Variants in SGCZ observed in about 807,000 individuals in gnomAD.
The protein encoded by SGCZ is sarcoglycan zeta.
In SGCZ, 40 loss-of-function variants were observed where a neutral mutation model predicts 41.3. The observed-to-expected ratio is 0.97, with a 90% confidence interval of 0.75 to 1.26. The LOEUF (loss-of-function observed/expected upper bound fraction) is 1.26, where lower values mean the gene tolerates loss of function less well. SGCZ is among the 50% of genes most tolerant of loss of function. SGCZ has a pLI of 0.00. For synonymous variants in SGCZ, 206 were observed against 137.5 expected (o/e 1.50, Z -3.49); for missense variants, 552 against 369.8 (o/e 1.49, Z -4.04).
At chr8:14,203,819 G>GAAA (rs1430883170) in intron 4 of SGCZ, among the ~76,000 whole-genome samples, 1 of 152,100 alleles carries the variant, frequency 6.6e-6, no homozygotes, top group African/African-American at 2.4e-5. Context: ...GTAGGGGCAT[G>GAAA]TAAATCAGAC....
chr8:14,340,169 TATA>T (rs959784364), intron 2 of SGCZ, among the ~76,000 whole-genome samples: 2 of 152,140 alleles, frequency 1.3e-5, no homozygotes, highest in Admixed American at 6.6e-5. Flanking sequence ...CAGTCTATGA[TATA>T]ATATCATTTT....
intron 5 of SGCZ, among the ~76,000 whole-genome samples, chr8:14,140,069 A>C (rs1379844389): frequency 6.6e-6 from 1 of 152,104 alleles, no homozygotes; most frequent in East Asian, 1.9e-4. Context: ...CAAAGATCAA[A>C]ACCACATGAT....
chr8:14,687,466 A>G (rs1480834193), intron 1 of SGCZ, among the ~76,000 whole-genome samples: 1 of 151,294 alleles, frequency 6.6e-6, no homozygotes, highest in Non-Finnish European at 1.5e-5. Context: ...GTCCTTGCGA[A>G]AGTTTACTGA....
At chr8:15,008,541 A>AAGGAAGGG (rs1156576852) in intron 1 of SGCZ, among the ~76,000 whole-genome samples, 60 of 59,768 alleles carry the variant, frequency 1.0e-3, no homozygotes, top group Non-Finnish European at 1.5e-3. Context: ...GGAAGGAAGG[A>AAGGAAGGG]AGGGAGGGAG....
intron 1 of SGCZ, among the ~76,000 whole-genome samples, chr8:15,157,962 C>T (rs1291599046): frequency 6.6e-6 from 1 of 152,196 alleles, no homozygotes; most frequent in Non-Finnish European, 1.5e-5. Flanking sequence ...GCCGCTCTTG[C>T]CCAGTGACTG....
chr8:14,489,045 C>A (rs1180677291), intron 2 of SGCZ, among the ~76,000 whole-genome samples: 1 of 150,142 alleles, frequency 6.7e-6, no homozygotes, highest in Non-Finnish European at 1.5e-5. Flanking sequence ...ACCAGTGGAA[C>A]TGAACATAAA....
In SGCZ at chr8:14,759,942, T is replaced by C. The variant is rs372551642; in HGVS notation, c.40-205016A>G. Among the ~76,000 whole-genome samples the C allele has an allele frequency of 5.6e-4, 85 of 152,310 alleles. 3 individuals are homozygous for C. The highest frequency in any genetic ancestry group is 1.9e-3 in the African/African-American group (80 of 41,578). On this transcript the variant is annotated intron_variant, in intron 1 of 7. Transcript: ENST00000382080. ...TTGGCTCTGGGACAAATTTCTTTTT[T>C]ATTTAAAAACTTGAAATTGTAAAGA...
intron 1 of SGCZ, among the ~76,000 whole-genome samples, chr8:15,214,643 G>T (rs1320667546): frequency 6.6e-6 from 1 of 152,206 alleles, no homozygotes; most frequent in Admixed American, 6.5e-5. Flanking sequence ...GCAGTTCCCT[G>T]AATCGTGGGG....
At chr8:14,454,080 G>A (rs1321542694) in intron 2 of SGCZ, among the ~76,000 whole-genome samples, 6 of 152,090 alleles carry the variant, frequency 3.9e-5, no homozygotes, top group South Asian at 2.1e-4. Flanking sequence ...CTACGATGAC[G>A]TCCGCAGCAA....
chr8:14,175,618 A>G (rs2117009824), intron 4 of SGCZ, among the ~76,000 whole-genome samples: 1 of 152,252 alleles, frequency 6.6e-6, no homozygotes, highest in Non-Finnish European at 1.5e-5. Flanking sequence ...AATCTAAATT[A>G]GTATGTTTAA....
chr8:14,243,461 T>C (rs1031821614), intron 3 of SGCZ, among the ~76,000 whole-genome samples: 7 of 152,186 alleles, frequency 4.6e-5, no homozygotes, highest in African/African-American at 1.2e-4. Flanking sequence ...TAAAAATACT[T>C]TTAAAACATA....
intron 1 of SGCZ, among the ~76,000 whole-genome samples, chr8:14,729,215 T>C (rs1315328981): frequency 6.6e-6 from 1 of 152,168 alleles, no homozygotes; most frequent in African/African-American, 2.4e-5. Context: ...ATTTCCCCAA[T>C]GCATGAAGTA....
chr8:14,126,388 A>C (rs1802860526), intron 5 of SGCZ, among the ~76,000 whole-genome samples: 1 of 152,212 alleles, frequency 6.6e-6, no homozygotes, highest in Non-Finnish European at 1.5e-5. Context: ...AAAACTCAAC[A>C]TCACTGATTA....
intron 1 of SGCZ, among the ~76,000 whole-genome samples, chr8:15,074,518 T>A (rs1805462555): frequency 6.6e-6 from 1 of 152,154 alleles, no homozygotes; most frequent in Admixed American, 6.6e-5. Context: ...ATTCATAAAT[T>A]TATTTCCACA....
At chr8:14,859,589 T>C (rs972730332) in intron 1 of SGCZ, among the ~76,000 whole-genome samples, 1 of 152,072 alleles carries the variant, frequency 6.6e-6, no homozygotes, top group Non-Finnish European at 1.5e-5. Flanking sequence ...TAATGCCAAT[T>C]GTCCCAATAT....
At chr8:14,979,119 G>C (rs773648858) in intron 1 of SGCZ, among the ~76,000 whole-genome samples, 1 of 152,096 alleles carries the variant, frequency 6.6e-6, no homozygotes, top group Non-Finnish European at 1.5e-5. Context: ...TTTTCTTACA[G>C]AGGCAAGGCA....
intron 1 of SGCZ, among the ~76,000 whole-genome samples, chr8:14,582,966 A>C (rs1159174217): frequency 2.0e-4 from 31 of 151,614 alleles, no homozygotes; most frequent in East Asian, 1.6e-3. Context: ...CCGCAATAAA[A>C]ATACGTGTGC....
chr8:14,612,971 C>T lies in SGCZ; in HGVS notation c.40-58045G>A, dbSNP rs117649066. On this transcript the variant is annotated intron_variant, in intron 1 of 7. Transcript: ENST00000382080. ...AAAGTGCTGGGATTACAGGCGTGAGCCACCATGCCCAGGAAAAAGCAGATT... is the reference window on the plus strand; with the variant it reads ...AAAGTGCTGGGATTACAGGCGTGAGTCACCATGCCCAGGAAAAAGCAGATT... Among the ~76,000 whole-genome samples the T allele has an allele frequency of 2.6e-4, 40 of 152,130 alleles. 1 individual carries two copies. The highest frequency in any genetic ancestry group is 2.3e-3 in the Admixed American group (35 of 15,282).
intron 1 of SGCZ, among the ~76,000 whole-genome samples, chr8:14,702,304 A>G (rs1234121172): frequency 2.0e-5 from 3 of 151,660 alleles, no homozygotes; most frequent in Non-Finnish European, 4.4e-5. Flanking sequence ...CTTTACTGAC[A>G]CTTTTCTTGC....
Sources: allele counts gnomAD v4.1 joint callset (sites outside exome capture counted in the v4.1 genomes callset), GRCh38; gene constraint gnomAD v4.1.1; transcripts MANE v1.5; gene names NCBI Gene and HGNC (gene_info 2026-07-23, HGNC 2026-07-21).